Variants in FGF14 observed in about 807,000 individuals in gnomAD.
FGF14 encodes the protein fibroblast growth factor 14.
FGF14 carries 5 observed loss-of-function variants against 25.5 expected under a neutral mutation model. The ratio of observed to expected loss-of-function variants is 0.20; its 90% CI spans 0.10 to 0.41. FGF14 has a LOEUF of 0.41. Among genes scored for constraint, FGF14 ranks in the 10% least tolerant of loss-of-function variants. The probability of loss-of-function intolerance (pLI) is 1.00; values close to 1 mark genes in which losing one functional copy is unlikely to be tolerated. For missense variants in FGF14, 222 were observed against 320.1 expected (o/e 0.69, Z 2.34); for synonymous variants, 138 against 118.3 (o/e 1.17, Z -1.08).
At chr13:102,052,411 A>G (rs1473416077) in intron 1 of FGF14, among the ~76,000 whole-genome samples, 1 of 152,054 alleles carries the variant, frequency 6.6e-6, no homozygotes, top group African/African-American at 2.4e-5. Flanking sequence ...TTCAATCTAA[A>G]CAAGACTATA....
In FGF14 at chr13:101,716,024, A is replaced by G. The variant is rs573791054; in HGVS notation, c.*6807T>C. On this transcript the variant is annotated 3_prime_UTR_variant, in exon 5 of 5. Coordinates refer to ENST00000376143, the MANE Select transcript of FGF14 (RefSeq NM_004115.4). ...CCAGGGATGCTGCTGAGCATCCCGC[A>G]GTGTACAGGACAGCCCCCAAACAAG... The G allele has an allele frequency of 4.4e-6, 1 of 228,802 alleles. No homozygotes were observed. The highest frequency in any genetic ancestry group is 2.3e-5 in the African/African-American group (1 of 43,668). 14.2% of individuals were successfully genotyped at this position (228,802 alleles called of 1,614,324 possible).
At chr13:102,020,420 T>G (rs537551573) in intron 1 of FGF14, among the ~76,000 whole-genome samples, 6 of 151,952 alleles carry the variant, frequency 3.9e-5, no homozygotes, top group African/African-American at 1.4e-4. Context: ...TGGTGGTGCA[T>G]GCCTGTAATC....
intron 1 of FGF14, among the ~76,000 whole-genome samples, chr13:102,177,779 GA>G (rs898163772): frequency 6.1e-4 from 90 of 146,944 alleles, no homozygotes; most frequent in Non-Finnish European, 1.0e-3. Flanking sequence ...AATTATAAAG[GA>G]AAAAAAAAAC....
At chr13:102,199,233 T>C (rs1462910327) in intron 1 of FGF14, among the ~76,000 whole-genome samples, 2 of 152,202 alleles carry the variant, frequency 1.3e-5, no homozygotes, top group Non-Finnish European at 2.9e-5. Context: ...GTTAAAACAG[T>C]GTAAAGCCTT....
chr13:101,865,922 T>C lies in FGF14; in HGVS notation c.408+2803A>G, dbSNP rs536636920. ...AGAATGGATGACTTCATTTGTCTGA[T>C]TTAAATCTCCATTAACTTCTTTCTT... On this transcript the variant is annotated intron_variant, in intron 3 of 4. Coordinates refer to ENST00000376143, the MANE Select transcript of FGF14 (RefSeq NM_004115.4). 6.6e-3 allele frequency among the ~76,000 whole-genome samples: 1,011 copies of C among 152,246 alleles called. 10 individuals are homozygous for C. The highest frequency in any genetic ancestry group is 0.017 in the South Asian group (83 of 4,828).
chr13:101,978,370 A>G (rs1443028268), intron 1 of FGF14, among the ~76,000 whole-genome samples: 1 of 152,220 alleles, frequency 6.6e-6, no homozygotes, highest in Admixed American at 6.5e-5. Context: ...CCTAATCTGC[A>G]TAGGAGACCT....
chr13:101,956,826 G>T (rs2036546306), intron 1 of FGF14, among the ~76,000 whole-genome samples: 1 of 146,304 alleles, frequency 6.8e-6, no homozygotes, highest in South Asian at 2.2e-4. Context: ...AGACTATAAA[G>T]AAATGTGGCT....
At chr13:102,374,642 TTTTA>T (rs1384645378) in intron 1 of FGF14, among the ~76,000 whole-genome samples, 115 of 95,648 alleles carry the variant, frequency 1.2e-3, no homozygotes, top group Admixed American at 4.7e-3. Flanking sequence ...ATCTTACATA[TTTTA>T]TATATATATA....
intron 3 of FGF14, among the ~76,000 whole-genome samples, chr13:101,832,478 T>G (rs771642923): frequency 6.6e-6 from 1 of 152,046 alleles, no homozygotes; most frequent in Non-Finnish European, 1.5e-5. Flanking sequence ...TCATTAAATC[T>G]AGGAAGAAGA....
chr13:101,878,058 G>A (rs2045495485), intron 1 of FGF14, among the ~76,000 whole-genome samples: 2 of 152,074 alleles, frequency 1.3e-5, no homozygotes, highest in African/African-American at 2.4e-5. Flanking sequence ...CATCCACTGA[G>A]TTACGTATGC....
intron 3 of FGF14, among the ~76,000 whole-genome samples, chr13:101,748,937 A>G (rs1487679896): frequency 6.6e-6 from 1 of 152,050 alleles, no homozygotes; most frequent in Non-Finnish European, 1.5e-5. Flanking sequence ...GGATGAATGA[A>G]TAAACAAAAC....
At chr13:101,916,368 AG>A in intron 1 of FGF14, 84 bp downstream of exon 1, 1 of 1,525,168 alleles carries the variant, frequency 6.6e-7, no homozygotes, top group South Asian at 1.1e-5. Context: ...GGGAAAACCG[AG>A]GGAGGGAAGG....
chr13:101,756,501 G>A (rs2037662274), intron 3 of FGF14, among the ~76,000 whole-genome samples: 1 of 152,302 alleles, frequency 6.6e-6, no homozygotes, highest in Admixed American at 6.5e-5. Context: ...TTGGGAGGCT[G>A]AGGTGGGCGG....
intron 1 of FGF14, among the ~76,000 whole-genome samples, chr13:101,894,788 C>A (rs1481208739): frequency 6.6e-6 from 1 of 152,078 alleles, no homozygotes; most frequent in East Asian, 1.9e-4. Context: ...TACTTAGTAG[C>A]AATGGTGTCA....
At chr13:102,069,485 C>G (rs937388173) in intron 1 of FGF14, among the ~76,000 whole-genome samples, 12 of 152,304 alleles carry the variant, frequency 7.9e-5, no homozygotes, top group Non-Finnish European at 1.6e-4. Flanking sequence ...TGCAATAAAT[C>G]TTGCTACTGC....
chr13:102,233,547 CAG>C (rs1490602659), intron 1 of FGF14, among the ~76,000 whole-genome samples: 7 of 152,120 alleles, frequency 4.6e-5, no homozygotes, highest in Non-Finnish European at 1.0e-4. Flanking sequence ...GCACCTATAA[CAG>C]AGCCTGCTAC....
intron 1 of FGF14, among the ~76,000 whole-genome samples, chr13:102,217,403 A>AACAGTAGTCAAGAATTT (rs2050421426): frequency 6.6e-6 from 1 of 152,228 alleles, no homozygotes; most frequent in African/African-American, 2.4e-5. Context: ...TTCTAAAGAA[A>AACAGTAGTCAAGAATTT]ACAGTAGTCA....
chr13:101,737,422 T>C (rs1394272460), intron 3 of FGF14, among the ~76,000 whole-genome samples: 2 of 70,424 alleles, frequency 2.8e-5, no homozygotes, highest in Middle Eastern at 6.8e-3. Context: ...AGAACAAGAA[T>C]AGAATTTGCT....
intron 1 of FGF14, among the ~76,000 whole-genome samples, chr13:102,161,706 GAA>G (rs2047774013): frequency 6.7e-6 from 1 of 148,712 alleles, no homozygotes; most frequent in Non-Finnish European, 1.5e-5. Context: ...AGAAGAAGAA[GAA>G]GAAGAAGAAG....
Sources: gnomAD v4.1 joint callset for allele counts (sites outside exome capture counted in the v4.1 genomes callset) on GRCh38, gnomAD v4.1.1 for gene constraint, MANE v1.5 for transcripts, NCBI Gene and HGNC (gene_info 2026-07-23, HGNC 2026-07-21) for gene names.